CDH17: variants seen among roughly 807,000 people sequenced by gnomAD.
CDH17 encodes the protein cadherin-17.
A neutral mutation model predicts 86.3 loss-of-function variants in CDH17; 67 were observed. That is an observed-to-expected ratio of 0.78 (90% CI 0.64 to 0.95). The LOEUF (loss-of-function observed/expected upper bound fraction) is 0.95, where lower values mean the gene tolerates loss of function less well. Ranked by LOEUF, CDH17 falls within the 40% of genes least tolerant of loss-of-function variation. The pLI is 0.00. For missense variants in CDH17, 993 were observed against 1,017.6 expected (o/e 0.98, Z 0.33); for synonymous variants, 367 against 366.4 (o/e 1.00, Z -0.02).
chr8:94,157,125 T>C (rs566600140), intron 12 of CDH17, among the ~76,000 whole-genome samples: 1 of 152,318 alleles, frequency 6.6e-6, no homozygotes, highest in Admixed American at 6.5e-5. Context: ...AAACAAACTA[T>C]AGTTGCCACG....
Position 94,189,201 on chromosome 8 carries a change from G to T in CDH17, c.136C>A (p.Gln46Lys). The change falls in exon 3 of 18, where the codon CAA becomes AAA. Residue 46 changes from glutamine to lysine, a missense_variant. Transcript: ENST00000027335. ...FSIYEGQEPS[Q>K]IIFQFKANPP... Reference sequence around the variant, plus strand: ...GTAGCTTTTACCTGGAATATAATTTGACTCGGTTCTTGGCCTTCATAAATA... The same window carrying T: ...GTAGCTTTTACCTGGAATATAATTTTACTCGGTTCTTGGCCTTCATAAATA... The T allele has an allele frequency of 6.2e-7, 1 of 1,612,082 alleles. No homozygotes were observed. Among genetic ancestry groups the T allele is most frequent in the Non-Finnish European group, 8.5e-7 (1 of 1,179,066 alleles).
At chr8:94,183,520 G>A (rs909944668) in intron 3 of CDH17, among the ~76,000 whole-genome samples, 1 of 151,978 alleles carries the variant, frequency 6.6e-6, no homozygotes, top group Non-Finnish European at 1.5e-5. Flanking sequence ...ACATGCAAAA[G>A]AATGAAGTTG....
intron 15 of CDH17, among the ~76,000 whole-genome samples, chr8:94,143,329 A>G (rs1812673828): frequency 6.6e-6 from 1 of 152,256 alleles, no homozygotes; most frequent in African/African-American, 2.4e-5. Context: ...TAAAGTATTC[A>G]GTAAACTATG....
intron 9 of CDH17, among the ~76,000 whole-genome samples, chr8:94,168,097 A>AATATATATATAT (rs529264296): frequency 2.6e-4 from 13 of 50,662 alleles, no homozygotes; most frequent in East Asian, 6.3e-4. Flanking sequence ...TACACTGGGG[A>AATATATATATAT]ATATATATAT....
intron 3 of CDH17, among the ~76,000 whole-genome samples, chr8:94,180,349 G>A (rs1438988336): frequency 6.6e-6 from 1 of 151,284 alleles, no homozygotes; most frequent in East Asian, 1.9e-4. Context: ...GGAAAAAGGG[G>A]GAAAAAAGAT....
chr8:94,165,412 C>T (rs544891295), intron 10 of CDH17, among the ~76,000 whole-genome samples: 5 of 152,296 alleles, frequency 3.3e-5, no homozygotes, highest in Admixed American at 2.6e-4. Flanking sequence ...CTTCACCCAG[C>T]GTCAGGCATC....
chr8:94,161,588 T>C (rs1813052757), intron 11 of CDH17, among the ~76,000 whole-genome samples: 1 of 152,226 alleles, frequency 6.6e-6, no homozygotes, highest in East Asian at 1.9e-4. Context: ...GTTCTAATTC[T>C]CTCAAATGTC....
At chr8:94,175,212 A>G (rs1813349380) in intron 5 of CDH17, among the ~76,000 whole-genome samples, 1 of 152,212 alleles carries the variant, frequency 6.6e-6, no homozygotes. Context: ...TGGAGTCCTC[A>G]GTAAATTTTA....
At chr8:94,185,100 AT>A (rs1218828140) in intron 3 of CDH17, among the ~76,000 whole-genome samples, 3 of 152,162 alleles carry the variant, frequency 2.0e-5, no homozygotes, top group Non-Finnish European at 4.4e-5. Context: ...CCTGTGTTCT[AT>A]TGTTGGCTCT....
At chr8:94,149,861 A>C (rs1027543552) in intron 13 of CDH17, among the ~76,000 whole-genome samples, 3 of 152,218 alleles carry the variant, frequency 2.0e-5, no homozygotes, top group Non-Finnish European at 4.4e-5. Flanking sequence ...AGGAAAACCA[A>C]TGGTAGTCCT....
At chr8:94,135,350 G>C (rs953340586) in intron 15 of CDH17, among the ~76,000 whole-genome samples, 1 of 152,154 alleles carries the variant, frequency 6.6e-6, no homozygotes. Context: ...CCTGTATTAG[G>C]TGCATATATA....
At chr8:94,178,719 T>C (rs777619028) in intron 3 of CDH17, among the ~76,000 whole-genome samples, 1 of 152,184 alleles carries the variant, frequency 6.6e-6, no homozygotes, top group African/African-American at 2.4e-5. Flanking sequence ...TAGACTGTTA[T>C]GGTACCAAAA....
chr8:94,174,669 G>A (rs996057484), intron 5 of CDH17, among the ~76,000 whole-genome samples: 7 of 152,152 alleles, frequency 4.6e-5, no homozygotes, highest in Admixed American at 3.3e-4. Context: ...CCAGTTATCT[G>A]AAAATACTAT....
At chr8:94,190,729 A>G (rs1813672418) in intron 2 of CDH17, among the ~76,000 whole-genome samples, 1 of 152,136 alleles carries the variant, frequency 6.6e-6, no homozygotes, top group Non-Finnish European at 1.5e-5. Context: ...GGGGAAAACC[A>G]TTTATTTTCC....
intron 9 of CDH17, among the ~76,000 whole-genome samples, chr8:94,169,063 T>G (rs1189746877): frequency 6.6e-6 from 1 of 152,162 alleles, no homozygotes; most frequent in African/African-American, 2.4e-5. Context: ...GAGCAATCTG[T>G]TTTGCAGAAA....
intron 17 of CDH17, among the ~76,000 whole-genome samples, chr8:94,129,371 G>A (rs1812365967): frequency 6.6e-6 from 1 of 152,108 alleles, no homozygotes; most frequent in Non-Finnish European, 1.5e-5. Flanking sequence ...TGATCACCAT[G>A]CACACATTAG....
upstream of CDH17, among the ~76,000 whole-genome samples, chr8:94,208,834 C>A: frequency 6.6e-6 from 1 of 152,144 alleles, no homozygotes; most frequent in Non-Finnish European, 1.5e-5. Flanking sequence ...TTTTGTGTAT[C>A]CAACTATCTC....
At chr8:94,172,758 G>C (rs1813294281) in intron 7 of CDH17, among the ~76,000 whole-genome samples, 1 of 152,144 alleles carries the variant, frequency 6.6e-6, no homozygotes, top group Non-Finnish European at 1.5e-5. Context: ...GTGGAGTCCA[G>C]AGTGAATTTC....
chr8:94,190,449 C>T (rs1001397165), intron 2 of CDH17, among the ~76,000 whole-genome samples: 3 of 152,158 alleles, frequency 2.0e-5, no homozygotes, highest in African/African-American at 7.2e-5. Flanking sequence ...TGGGCACCCA[C>T]GGGAAGGGAC....
Sources: allele counts gnomAD v4.1 joint callset (sites outside exome capture counted in the v4.1 genomes callset), GRCh38; gene constraint gnomAD v4.1.1; transcripts MANE v1.5; gene names NCBI Gene and HGNC (gene_info 2026-07-23, HGNC 2026-07-21).